Variants in DAB1 observed in about 807,000 individuals in gnomAD.
The protein encoded by DAB1 is DAB adaptor protein 1, also known as disabled homolog 1.
DAB1 carries 15 observed loss-of-function variants against 64.6 expected under a neutral mutation model. That is an observed-to-expected ratio of 0.23 (90% CI 0.16 to 0.36). DAB1 has a LOEUF of 0.36. Ranked by LOEUF, DAB1 falls within the 10% of genes least tolerant of loss-of-function variation. The pLI is 1.00. For missense variants in DAB1, 596 were observed against 706.7 expected, an observed-to-expected ratio of 0.84 and a Z score of 1.78; for synonymous variants, 235 against 251.9, an observed-to-expected ratio of 0.93 and a Z score of 0.64.
intron 7 of DAB1, among the ~76,000 whole-genome samples, chr1:57,451,892 T>C (rs1430116334): frequency 2.0e-5 from 3 of 152,212 alleles, no homozygotes; most frequent in African/African-American, 7.2e-5. Flanking sequence ...CAGTCTGTTT[T>C]GCAGGCTAAA....
In DAB1 at chr1:57,809,318, C is replaced by G. The variant is rs532306731; in HGVS notation, n.551+74681G>C. On this transcript the variant is annotated intron_variant and non_coding_transcript_variant, in intron 6 of 20. Transcript: ENST00000485760. ...CTATTAATTGAACAGCTACACTGAGCCAACTATTATATCAGGCACTATGTT... is the reference window on the plus strand; with the variant it reads ...CTATTAATTGAACAGCTACACTGAGGCAACTATTATATCAGGCACTATGTT... Among the ~76,000 whole-genome samples the G allele has an allele frequency of 6.6e-5, 10 of 152,296 alleles. No homozygotes were observed. In the East Asian group the frequency reaches 1.9e-3, roughly 29 times the overall value.
chr1:58,517,745 G>C (rs138268885), intron 2 of DAB1, among the ~76,000 whole-genome samples: 3 of 152,206 alleles, frequency 2.0e-5, no homozygotes, highest in Admixed American at 1.3e-4. Flanking sequence ...GATCAGAGAA[G>C]AGCTAGCACC....
At chr1:57,948,471 C>T (rs1645216552) in intron 5 of DAB1, among the ~76,000 whole-genome samples, 1 of 152,192 alleles carries the variant, frequency 6.6e-6, no homozygotes, top group Non-Finnish European at 1.5e-5. Flanking sequence ...CCGTTGACAT[C>T]TATTTATTTG....
chr1:57,441,254 CTTT>C (rs1161092785), intron 7 of DAB1, among the ~76,000 whole-genome samples: 7 of 144,692 alleles, frequency 4.8e-5, no homozygotes, highest in Non-Finnish European at 1.1e-4. Context: ...CTTTTCTTTT[CTTT>C]TCTTTTCTTT....
chr1:57,962,984 T>C (rs1645563967), intron 5 of DAB1, among the ~76,000 whole-genome samples: 1 of 152,200 alleles, frequency 6.6e-6, no homozygotes, highest in South Asian at 2.1e-4. Flanking sequence ...CTTTATAATA[T>C]AACATGCTTC....
chr1:57,501,680 CA>C (rs1322190464), intron 7 of DAB1, among the ~76,000 whole-genome samples: 1 of 152,110 alleles, frequency 6.6e-6, no homozygotes, highest in African/African-American at 2.4e-5. Context: ...TTCGTAAAAG[CA>C]GTTTGAAAAT....
intron 3 of DAB1, among the ~76,000 whole-genome samples, chr1:58,495,392 A>C (rs947573812): frequency 6.6e-6 from 1 of 152,180 alleles, no homozygotes; most frequent in African/African-American, 2.4e-5. Context: ...CATGTTGTGC[A>C]CATGTACCCT....
At chr1:57,802,220 T>C (rs1287843643) in intron 6 of DAB1, among the ~76,000 whole-genome samples, 1 of 152,190 alleles carries the variant, frequency 6.6e-6, no homozygotes, top group East Asian at 1.9e-4. Flanking sequence ...CAATGAGGAC[T>C]GGTGGTAGGT....
chr1:57,720,500 A>T (rs1647137419), intron 6 of DAB1, among the ~76,000 whole-genome samples: 1 of 152,266 alleles, frequency 6.6e-6, no homozygotes, highest in African/African-American at 2.4e-5. Context: ...AGTGCAGTAT[A>T]AGAGGAAGAC....
intron 4 of DAB1, among the ~76,000 whole-genome samples, chr1:58,166,571 T>A (rs552033454): frequency 6.6e-6 from 1 of 152,276 alleles, no homozygotes; most frequent in South Asian, 2.1e-4. Context: ...TGTTTCCACT[T>A]CCTTGGATAC....
At chr1:58,214,690 T>C (rs1180881669) in intron 4 of DAB1, among the ~76,000 whole-genome samples, 1 of 152,230 alleles carries the variant, frequency 6.6e-6, no homozygotes, top group African/African-American at 2.4e-5. Context: ...TTTACAAGCT[T>C]GCTAGCTTTC....
At chr1:58,068,682 C>T (rs1222947499) in intron 5 of DAB1, among the ~76,000 whole-genome samples, 4 of 147,578 alleles carry the variant, frequency 2.7e-5, no homozygotes, top group Non-Finnish European at 4.4e-5. Flanking sequence ...AGGATAATGG[C>T]GTGAATCTGG....
At chr1:57,988,024 T>C (rs1216444262) in intron 5 of DAB1, among the ~76,000 whole-genome samples, 3 of 152,084 alleles carry the variant, frequency 2.0e-5, no homozygotes, top group Non-Finnish European at 2.9e-5. Context: ...GAACTGACAA[T>C]TGGGTTGTCC....
At chr1:58,453,027 C>A (rs706453) in intron 3 of DAB1, among the ~76,000 whole-genome samples, 122,334 of 152,162 alleles carry the variant, frequency 0.8, 50,581 homozygotes, top group African/African-American at 0.92. Flanking sequence ...TGGATAAACA[C>A]ATTGCAGTTT....
At chr1:57,858,587 C>T (rs957409221) in intron 1 of DAB1, among the ~76,000 whole-genome samples, 1 of 151,812 alleles carries the variant, frequency 6.6e-6, no homozygotes, top group Non-Finnish European at 1.5e-5. Context: ...CACCTCCTAA[C>T]TCTGCCAGGC....
chr1:57,808,226 C>T (rs888332584), intron 6 of DAB1, among the ~76,000 whole-genome samples: 1 of 151,658 alleles, frequency 6.6e-6, no homozygotes, highest in Non-Finnish European at 1.5e-5. Context: ...CACACACATA[C>T]CCCTGAGCCT....
intron 6 of DAB1, among the ~76,000 whole-genome samples, chr1:57,785,576 T>C (rs1581763): frequency 0.78 from 118,249 of 152,046 alleles, 46,116 homozygotes; most frequent in South Asian, 0.85. Flanking sequence ...AAGATTTCAG[T>C]GGAGGAAGAA....
Position 58,415,406 on chromosome 1 carries a change from A to G in DAB1, n.258-72003T>C, listed in dbSNP as rs1421937084. 1.2e-4 allele frequency: 30 copies of G among 244,108 alleles called. No individual in the cohort carries two copies. The Admixed American group carries it at 1.9e-3, about 16-fold the overall frequency. 15.1% of individuals were successfully genotyped at this position (244,108 alleles called of 1,614,324 possible). A position where few individuals can be genotyped will look rare whatever the true frequency, so the allele number is the denominator to read the frequency against. Reference sequence around the variant, plus strand: ...TTACTGAAGGTTTTAATAAAAGGAAAGAATTCCATTTCCACTTAGGTGTAG... The same window carrying G: ...TTACTGAAGGTTTTAATAAAAGGAAGGAATTCCATTTCCACTTAGGTGTAG... On this transcript the variant is annotated intron_variant and non_coding_transcript_variant, in intron 3 of 20. Transcript: ENST00000485760.
intron 5 of DAB1, among the ~76,000 whole-genome samples, chr1:57,966,487 A>G (rs1410681925): frequency 6.6e-6 from 1 of 152,160 alleles, no homozygotes; most frequent in Admixed American, 6.6e-5. Flanking sequence ...GAGTGAAACT[A>G]TCGTTGGACT....
Sources: gnomAD v4.1 joint callset for allele counts (sites outside exome capture counted in the v4.1 genomes callset) on GRCh38, gnomAD v4.1.1 for gene constraint, MANE v1.5 for transcripts, NCBI Gene and HGNC (gene_info 2026-07-23, HGNC 2026-07-21) for gene names.